KLHL3: variants seen among roughly 807,000 people sequenced by gnomAD.
KLHL3 encodes the protein kelch like family member 3.
KLHL3 carries 19 observed loss-of-function variants against 70.5 expected under a neutral mutation model. That is an observed-to-expected ratio of 0.27 (90% CI 0.19 to 0.40). KLHL3 has a LOEUF of 0.40. Ranked by LOEUF, KLHL3 falls within the 10% of genes least tolerant of loss-of-function variation. The pLI is 1.00. For synonymous variants in KLHL3, 258 were observed against 290.3 expected (o/e 0.89, Z 1.13); for missense variants, 512 against 771.1 (o/e 0.66, Z 3.98).
intron 5 of KLHL3, among the ~76,000 whole-genome samples, chr5:137,690,730 T>C (rs1240561427): frequency 6.6e-6 from 1 of 152,002 alleles, no homozygotes; most frequent in East Asian, 1.9e-4. Context: ...TGCCAAGAAA[T>C]GGAGCAAATG....
At chr5:137,707,533 T>C (rs1484699733) in intron 3 of KLHL3, 1 of 154,400 alleles carries the variant, frequency 6.5e-6, no homozygotes, top group African/African-American at 2.4e-5. Flanking sequence ...TAAAAAGATA[T>C]AAACCATACT....
At chr5:137,677,281 T>C (rs978249443) in intron 6 of KLHL3, 5 of 273,200 alleles carry the variant, frequency 1.8e-5, no homozygotes, top group Admixed American at 1.1e-4. Flanking sequence ...ACCCTGTCTC[T>C]ACTGAAAATA....
chr5:137,648,479 C>T (rs1020217204), intron 8 of KLHL3, among the ~76,000 whole-genome samples: 1 of 152,224 alleles, frequency 6.6e-6, no homozygotes, highest in African/African-American at 2.4e-5. Flanking sequence ...TTCCTGAAAC[C>T]TCATTTCCTT....
rs893737826 is a variant in KLHL3, at chr5:137,719,548, T to C, written c.134+917A>G. On this transcript the variant is annotated intron_variant, in intron 2 of 14. Coordinates refer to ENST00000309755, the MANE Select transcript of KLHL3 (RefSeq NM_017415.3). ...TCCACAGGCTTTGTACAAAAAAACA[T>C]GTACAGAAACACATGTTCAGAGCCC... Among the ~76,000 whole-genome samples, 5 of 152,380 alleles carry C rather than the reference T, an allele frequency of 3.3e-5. No individual in the cohort carries two copies. In the East Asian group the frequency reaches 5.8e-4, roughly 18 times the overall value.
In KLHL3 at chr5:137,639,975, G is replaced by A. The variant is rs1750870408; in HGVS notation, c.906C>T (p.Val302=). Residue 302 remains valine, a splice_region_variant and synonymous_variant, in exon 9 of 15, where the codon GTC becomes GTT. Coordinates refer to ENST00000309755, the MANE Select transcript of KLHL3 (RefSeq NM_017415.3). The surrounding 1 kb of genome is among the most constrained non-coding windows in gnomAD (Gnocchi z 5.0). ...GTGCCTGGCCGCCAACCACAATCAT[G>A]ACCTCCGGAGAGACAAGTGGACGTT... ...KPRTPVSLPK[V]MIVVGGQAPK... 2.5e-6 allele frequency: 4 copies of A among 1,613,774 alleles called. No homozygotes were observed. The East Asian group carries it at 8.9e-5, about 36-fold the overall frequency.
intron 5 of KLHL3, among the ~76,000 whole-genome samples, chr5:137,687,284 A>T (rs1424230199): frequency 6.9e-5 from 2 of 28,956 alleles, no homozygotes; most frequent in African/African-American, 1.9e-4. Context: ...TCCGGGAGGG[A>T]GGTGGGGGGG....
intron 1 of KLHL3, 170 bp from the exon 2 acceptor site, chr5:137,720,754 A>G: frequency 7.0e-7 from 1 of 1,437,484 alleles, no homozygotes; most frequent in Non-Finnish European, 9.1e-7. Context: ...CATATCTTCC[A>G]AAGCAAAGTG....
At chr5:137,681,864 T>C (rs1247237500) in intron 5 of KLHL3, among the ~76,000 whole-genome samples, 2 of 152,182 alleles carry the variant, frequency 1.3e-5, no homozygotes, top group African/African-American at 2.4e-5. Context: ...CATGTCCTGA[T>C]TGGTAAAACA....
chr5:137,700,022 T>G (rs796310061), intron 3 of KLHL3, among the ~76,000 whole-genome samples: 41 of 152,314 alleles, frequency 2.7e-4, no homozygotes, highest in African/African-American at 7.9e-4. Context: ...CTCCCTTAAC[T>G]GCCAGATCAG....
chr5:137,671,188 G>A (rs540408267), intron 6 of KLHL3, among the ~76,000 whole-genome samples: 1 of 152,062 alleles, frequency 6.6e-6, no homozygotes, highest in South Asian at 2.1e-4. Context: ...TTCTCCCCAG[G>A]TACGAGCTAT....
intron 8 of KLHL3, among the ~76,000 whole-genome samples, chr5:137,656,010 A>AG (rs1751333891): frequency 6.7e-6 from 1 of 149,810 alleles, no homozygotes; most frequent in East Asian, 1.9e-4. Flanking sequence ...AAAAAAAAAA[A>AG]GGAATAAAAA....
intron 1 of KLHL3, among the ~76,000 whole-genome samples, chr5:137,726,672 T>C (rs1025005908): frequency 6.6e-6 from 1 of 152,094 alleles, no homozygotes; most frequent in Non-Finnish European, 1.5e-5. Flanking sequence ...AGATTCAACA[T>C]ACCCAGAGGG....
chr5:137,668,474 A>G (rs1261640467), intron 6 of KLHL3, among the ~76,000 whole-genome samples: 1 of 152,146 alleles, frequency 6.6e-6, no homozygotes, highest in Non-Finnish European at 1.5e-5. Flanking sequence ...TCCTAAACCT[A>G]TAATCCTAAT....
chr5:137,641,417 G>C (rs372640255), intron 8 of KLHL3, among the ~76,000 whole-genome samples: 8 of 152,112 alleles, frequency 5.3e-5, no homozygotes, highest in African/African-American at 1.9e-4. Flanking sequence ...AAGTTCCCAG[G>C]TGCTGCTGCT....
intron 2 of KLHL3, 61 bp from the exon 3 acceptor site, chr5:137,709,917 CA>C: frequency 7.5e-7 from 1 of 1,331,006 alleles, no homozygotes; most frequent in Admixed American, 1.7e-5. Context: ...CCTCATCTTA[CA>C]AGGGTATTTT....
rs1419775183 is a variant in KLHL3, at chr5:137,687,255, G to C, written c.526+5030C>G. The stretch of plus-strand genomic sequence containing the variant: ...CCGTCCGGGAGGGAGGCGCGGGGGG[G>C]GGTCGGCCAGCCGCCCTGTCCGGGA... On this transcript the variant is annotated intron_variant, in intron 5 of 14. Coordinates refer to ENST00000309755, the MANE Select transcript of KLHL3 (RefSeq NM_017415.3). Among the ~76,000 whole-genome samples the C allele has an allele frequency of 5.3e-5, 2 of 37,506 alleles. 1 individual carries two copies. Among genetic ancestry groups the C allele is most frequent in the African/African-American group, 2.6e-4 (2 of 7,692 alleles). The allele number at this position is 37,506 out of a possible 152,430, so 24.6% of individuals were successfully genotyped here. A position where few individuals can be genotyped will look rare whatever the true frequency, so the allele number is the denominator to read the frequency against.
At chr5:137,704,615 C>G (rs1752647802) in intron 3 of KLHL3, among the ~76,000 whole-genome samples, 1 of 152,182 alleles carries the variant, frequency 6.6e-6, no homozygotes, top group South Asian at 2.1e-4. Context: ...CTGAGCTACT[C>G]TAAACCCAAA....
At chr5:137,720,909 G>A (rs1752984329) in intron 1 of KLHL3, 1 of 1,076,870 alleles carries the variant, frequency 9.3e-7, no homozygotes, top group South Asian at 3.5e-5. Context: ...AGGTTTGTTT[G>A]TTCATTAAAC....
Position 137,692,346 on chromosome 5 carries a change from G to A in KLHL3, c.465C>T (p.Ile155=), listed in dbSNP as rs1752344745. Reference sequence around the variant, plus strand: ...AGGTGTGTACATCTGCAAATGCACGGATGCCCAGGCAATTGGTGGGATGCA... The same window carrying A: ...AGGTGTGTACATCTGCAAATGCACGAATGCCCAGGCAATTGGTGGGATGCA... ...SQLHPTNCLG[I]RAFADVHTCT... is the part of the protein sequence containing the mutation. The change falls in exon 5 of 15, where the codon ATC becomes ATT. Residue 155 remains isoleucine (I), a synonymous_variant. Coordinates refer to ENST00000309755, the MANE Select transcript of KLHL3 (RefSeq NM_017415.3). 6.2e-7 allele frequency: 1 copy of A among 1,613,724 alleles called. No homozygotes were observed. The highest frequency in any genetic ancestry group is 1.7e-5 in the Admixed American group (1 of 59,996).
Sources: gnomAD v4.1 joint callset for allele counts (sites outside exome capture counted in the v4.1 genomes callset) on GRCh38, gnomAD v4.1.1 for gene constraint, Gnocchi (gnomAD v3.1) non-coding constraint, MANE v1.5 for transcripts, NCBI Gene and HGNC (gene_info 2026-07-23, HGNC 2026-07-21) for gene names.